The following PCDHGA5 variants were observed in gnomAD, a reference collection of about 807,000 sequenced individuals.
PCDHGA5 encodes protocadherin gamma subfamily A, 5, also known as protocadherin gamma-A5.
Under a neutral mutation model 56.7 loss-of-function variants are expected in PCDHGA5, and 36 were observed. That is an observed-to-expected ratio of 0.64 (90% CI 0.49 to 0.84). The LOEUF is 0.84. Ranked by LOEUF, PCDHGA5 falls within the 40% of genes least tolerant of loss-of-function variation. The pLI is 0.00. For synonymous variants in PCDHGA5, 563 were observed against 520.2 expected (o/e 1.08, Z -1.12); for missense variants, 1,305 against 1,201.5 (o/e 1.09, Z -1.27).
Position 141,490,013 on chromosome 5 carries a change from G to A in PCDHGA5, c.2422-4794G>A. 6.2e-7 allele frequency: 1 copy of A among 1,614,206 alleles called. No individual in the cohort carries two copies. The highest frequency in any genetic ancestry group is 1.1e-5 in the South Asian group (1 of 91,088). Reference sequence around the variant, plus strand: ...GGAATCCCAGAGAATGCACCCATTGGTACTCTGCTGCTCCGCCTCAATGCC... The same window carrying A: ...GGAATCCCAGAGAATGCACCCATTGATACTCTGCTGCTCCGCCTCAATGCC... On this transcript the variant is annotated intron_variant, in intron 1 of 3. Transcript: ENST00000518069. This position sits in a 1 kb window ranked among gnomAD's most constrained non-coding sequence, Gnocchi z 5.4.
At position 141,399,851 on chromosome 5, in the gene PCDHGA5, C is replaced by G. The variant is rs971471583; in HGVS notation, c.2421+33100C>G. 7 of 1,612,832 alleles carry G rather than the reference C, an allele frequency of 4.3e-6. No individual in the cohort carries two copies. In the African/African-American group the frequency reaches 6.7e-5, roughly 15 times the overall value. Reference sequence around the variant, plus strand: ...GGCTCTGCGCTCTTCGATATGGTGCCGCGCGCTGCAGAGCCCGGCTACCTG... The same window carrying G: ...GGCTCTGCGCTCTTCGATATGGTGCGGCGCGCTGCAGAGCCCGGCTACCTG... On this transcript the variant is annotated intron_variant, in intron 1 of 3. Coordinates refer to ENST00000518069, the MANE Select transcript of PCDHGA5 (RefSeq NM_018918.3).
intron 2 of PCDHGA5, among the ~76,000 whole-genome samples, chr5:141,500,928 G>A (rs2099803943): frequency 6.6e-6 from 1 of 151,476 alleles, no homozygotes; most frequent in African/African-American, 2.4e-5. Context: ...GGGTGCAGTG[G>A]CGCCATCTCG....
chr5:141,419,196 A>G (rs2096342064), intron 1 of PCDHGA5: 1 of 1,613,994 alleles, frequency 6.2e-7, no homozygotes, highest in Middle Eastern at 1.6e-4. Context: ...ACTGACGTCA[A>G]TGACAACGCG....
At chr5:141,374,010 T>A in intron 1 of PCDHGA5, 1 of 1,364,772 alleles carries the variant, frequency 7.3e-7, no homozygotes, top group Non-Finnish European at 9.6e-7. Flanking sequence ...CACCGCTATT[T>A]CTGAGAAGAG....
At chr5:141,410,913 G>GC (rs1270456210) in intron 1 of PCDHGA5, 4 of 263,626 alleles carry the variant, frequency 1.5e-5, no homozygotes, top group African/African-American at 1.1e-4. Flanking sequence ...GAGTGCAGTG[G>GC]CGTGATCTCT....
chr5:141,454,917 C>T (rs1185153715), intron 1 of PCDHGA5, among the ~76,000 whole-genome samples: 1 of 149,330 alleles, frequency 6.7e-6, no homozygotes, highest in Non-Finnish European at 1.5e-5. Flanking sequence ...ACGCCATTCT[C>T]CTGCCTCAGC....
Position 141,450,950 on chromosome 5 carries a change from A to G in PCDHGA5, c.2422-43857A>G, listed in dbSNP as rs1176916120. ...AGCAATTCTCCTACCTCAGCCTCCCAAGTAGCTGGGATTACAGGCATGTGC... is the reference window on the plus strand; with the variant it reads ...AGCAATTCTCCTACCTCAGCCTCCCGAGTAGCTGGGATTACAGGCATGTGC... On this transcript the variant is annotated intron_variant, in intron 1 of 3. Coordinates refer to ENST00000518069, the MANE Select transcript of PCDHGA5 (RefSeq NM_018918.3). Among the ~76,000 whole-genome samples, 9 of 150,714 alleles carry G rather than the reference A, an allele frequency of 6.0e-5. No individual in the cohort carries two copies. In the East Asian group the frequency reaches 1.6e-3, roughly 26 times the overall value.
At chr5:141,498,429 G>T (rs1595525351) in intron 2 of PCDHGA5, among the ~76,000 whole-genome samples, 1 of 152,290 alleles carries the variant, frequency 6.6e-6, no homozygotes, top group East Asian at 1.9e-4. Flanking sequence ...GGAGTGAGGG[G>T]ATGAAGAGGA....
At chr5:141,424,297 A>G (rs2096812591) in intron 1 of PCDHGA5, 1 of 152,466 alleles carries the variant, frequency 6.6e-6, no homozygotes, top group African/African-American at 2.4e-5. Flanking sequence ...TCTTCATCCT[A>G]TCAACACAGA....
intron 1 of PCDHGA5, chr5:141,399,076 G>A (rs767415619): frequency 1.2e-6 from 2 of 1,613,850 alleles, no homozygotes; most frequent in Non-Finnish European, 1.7e-6. Flanking sequence ...GGTTGTAGAA[G>A]GGAGGGATGG....
intron 1 of PCDHGA5, among the ~76,000 whole-genome samples, chr5:141,373,000 T>C (rs1310950733): frequency 6.6e-6 from 1 of 152,222 alleles, no homozygotes; most frequent in Non-Finnish European, 1.5e-5. Context: ...TGTTCTTTCA[T>C]AGAAAGCCTC....
At chr5:141,474,524 C>G (rs1260642402) in intron 1 of PCDHGA5, among the ~76,000 whole-genome samples, 1 of 152,170 alleles carries the variant, frequency 6.6e-6, no homozygotes, top group Non-Finnish European at 1.5e-5. Flanking sequence ...GCTGGTCTGG[C>G]TAATTATCAA....
At chr5:141,394,845 C>G (rs2093112269) in intron 1 of PCDHGA5, 20 of 1,613,866 alleles carry the variant, frequency 1.2e-5, no homozygotes, top group Non-Finnish European at 1.7e-5. Flanking sequence ...GTTGGGCAGT[C>G]TGAAGCCTTC....
chr5:141,390,214 T>G, intron 1 of PCDHGA5: 1 of 1,614,064 alleles, frequency 6.2e-7, no homozygotes, highest in Non-Finnish European at 8.5e-7. Flanking sequence ...GGACAAGACA[T>G]ACTTTGCGGT....
At chr5:141,410,362 C>A (rs1270552318) in intron 1 of PCDHGA5, 13 of 1,613,954 alleles carry the variant, frequency 8.1e-6, no homozygotes, top group Non-Finnish European at 1.0e-5. Context: ...GCTCTCTCAG[C>A]CCTGCTACTT....
rs750014647 is a variant in PCDHGA5, at chr5:141,426,649, T to C, written c.2421+59898T>C. 53 of 418,716 alleles carry C rather than the reference T, an allele frequency of 1.3e-4. 1 individual carries two copies. Among genetic ancestry groups the C allele is most frequent in the South Asian group, 6.9e-4 (42 of 60,762 alleles). The allele number at this position is 418,716 out of a possible 1,614,324, so 25.9% of individuals were successfully genotyped here. On this transcript the variant is annotated intron_variant, in intron 1 of 3. Coordinates refer to ENST00000518069, the MANE Select transcript of PCDHGA5 (RefSeq NM_018918.3). Reference sequence around the variant, plus strand: ...AATGTTTTTCACATAAATGTGATGATAGAAGATATAAATGATAACCCACCT... The same window carrying C: ...AATGTTTTTCACATAAATGTGATGACAGAAGATATAAATGATAACCCACCT...
chr5:141,510,895 CTGT>C, intron 3 of PCDHGA5, 49 bp from the exon 4 acceptor site: 1 of 1,612,988 alleles, frequency 6.2e-7, no homozygotes, highest in Non-Finnish European at 8.5e-7. Flanking sequence ...AAGACAGTGA[CTGT>C]TGAGGACCCT....
At chr5:141,410,258 G>C in intron 1 of PCDHGA5, 1 of 1,614,022 alleles carries the variant, frequency 6.2e-7, no homozygotes, top group Non-Finnish European at 8.5e-7. Context: ...TGACCCCCAG[G>C]CTGAACTGCA....
chr5:141,398,011 T>A lies in PCDHGA5; in HGVS notation c.2421+31260T>A, dbSNP rs531266866. On this transcript the variant is annotated intron_variant, in intron 1 of 3. Coordinates refer to ENST00000518069, the MANE Select transcript of PCDHGA5 (RefSeq NM_018918.3). ...CGCTTCCTCCTCGGAAAAAGAATCG[T>A]TTCCTAAACTGGAACTGGAACTAAA... The A allele has an allele frequency of 2.7e-5, 38 of 1,413,006 alleles. No homozygotes were observed. In the African/African-American group the frequency reaches 4.3e-4, roughly 16 times the overall value. 87.5% of individuals were successfully genotyped at this position (1,413,006 alleles called of 1,614,324 possible). A position where few individuals can be genotyped will look rare whatever the true frequency, so the allele number is the denominator to read the frequency against.
Sources: allele counts gnomAD v4.1 joint callset (sites outside exome capture counted in the v4.1 genomes callset), GRCh38; gene constraint gnomAD v4.1.1; non-coding constraint Gnocchi (gnomAD v3.1); transcripts MANE v1.5; gene names NCBI Gene and HGNC (gene_info 2026-07-23, HGNC 2026-07-21).